Variants in CRADD observed in about 807,000 individuals in gnomAD.
CRADD encodes death domain-containing protein CRADD.
Under a neutral mutation model 15.5 loss-of-function variants are expected in CRADD, and 9 were observed. That is an observed-to-expected ratio of 0.58 (90% CI 0.35 to 1.01). The LOEUF (loss-of-function observed/expected upper bound fraction) is 1.01, where lower values mean the gene tolerates loss of function less well. CRADD is among the 50% of genes least tolerant of loss of function. The pLI is 0.02. For missense variants in CRADD, 227 were observed against 250.3 expected, an observed-to-expected ratio of 0.91 and a Z score of 0.63; for synonymous variants, 118 against 107.6, an observed-to-expected ratio of 1.10 and a Z score of -0.60.
chr12:93,807,875 A>C (rs1957558809), intron 2 of CRADD, among the ~76,000 whole-genome samples: 1 of 149,650 alleles, frequency 6.7e-6, no homozygotes, highest in Non-Finnish European at 1.5e-5. Context: ...ATTGGAAAAC[A>C]GGCCTGGGGA....
chr12:93,886,162 C>CATTTTTTTTT (rs1555231623), intron 2 of CRADD, among the ~76,000 whole-genome samples: 1 of 123,948 alleles, frequency 8.1e-6, no homozygotes, highest in African/African-American at 3.0e-5. Flanking sequence ...GCTGCTGATG[C>CATTTTTTTTT]TTTTTTTTTT....
At chr12:93,748,971 C>CCCTG (rs1224504947) in intron 2 of CRADD, among the ~76,000 whole-genome samples, 2 of 152,152 alleles carry the variant, frequency 1.3e-5, no homozygotes, top group African/African-American at 4.8e-5. Flanking sequence ...TTGACATGGG[C>CCCTG]CCTGGCTGGT....
chr12:93,751,284 C>T (rs1323018415), intron 2 of CRADD, among the ~76,000 whole-genome samples: 1 of 152,190 alleles, frequency 6.6e-6, no homozygotes, highest in Non-Finnish European at 1.5e-5. Context: ...TGTTTACCTA[C>T]AGTGAGGGCA....
intron 2 of CRADD, among the ~76,000 whole-genome samples, chr12:93,886,867 A>G (rs1312853054): frequency 3.3e-5 from 5 of 152,214 alleles, no homozygotes; most frequent in African/African-American, 1.2e-4. Context: ...TTTTATGGTC[A>G]TGGGCATAAT....
chr12:93,762,322 G>T (rs1418163701), intron 2 of CRADD, among the ~76,000 whole-genome samples: 11 of 152,186 alleles, frequency 7.2e-5, no homozygotes, highest in Admixed American at 7.2e-4. Flanking sequence ...AATTCAGAAG[G>T]CTGCTTCCTT....
At chr12:93,689,804 T>A (rs1955525062) in intron 2 of CRADD, among the ~76,000 whole-genome samples, 2 of 152,170 alleles carry the variant, frequency 1.3e-5, no homozygotes, top group South Asian at 4.1e-4. Flanking sequence ...CTGTGGGTGC[T>A]GAGTAGTAAT....
chr12:93,832,597 T>C (rs1957920684), intron 2 of CRADD, among the ~76,000 whole-genome samples: 1 of 152,226 alleles, frequency 6.6e-6, no homozygotes, highest in Admixed American at 6.5e-5. Flanking sequence ...CAAGGAACCA[T>C]AGGCCACCTT....
At chr12:93,882,282 G>A (rs1958507583) in intron 2 of CRADD, among the ~76,000 whole-genome samples, 2 of 151,038 alleles carry the variant, frequency 1.3e-5, no homozygotes, top group Admixed American at 1.3e-4. Flanking sequence ...TTAGCTGGGC[G>A]TGGTGGCAGG....
intron 2 of CRADD, among the ~76,000 whole-genome samples, chr12:93,687,303 T>C (rs994222886): frequency 1.3e-5 from 2 of 152,224 alleles, no homozygotes; most frequent in Non-Finnish European, 2.9e-5. Context: ...TTCTCCCTTC[T>C]GTGGATGTAT....
rs142085796 is a variant in CRADD at position 93,805,645 on chromosome 12, T to A, written c.299-44325T>A. 4.0e-3 allele frequency among the ~76,000 whole-genome samples: 616 copies of A among 152,210 alleles called. 3 individuals carry two copies. Among genetic ancestry groups the A allele is most frequent in the Admixed American group, 0.011 (166 of 15,252 alleles). On this transcript the variant is annotated intron_variant, in intron 2 of 2. Transcript: ENST00000332896. ...CTAACGTAGGAAACCCTCCTTCTCC[T>A]TCCCCAACAAGTTGCCTGAAGAAAT...
intron 2 of CRADD, among the ~76,000 whole-genome samples, chr12:93,809,814 G>A (rs1478590435): frequency 6.6e-6 from 1 of 152,162 alleles, no homozygotes; most frequent in African/African-American, 2.4e-5. Context: ...CTCCCTTGGT[G>A]GATAAAGACA....
chr12:93,735,485 A>G (rs1956549967), intron 2 of CRADD: 1 of 152,234 alleles, frequency 6.6e-6, no homozygotes, highest in Non-Finnish European at 1.5e-5. Context: ...ATTTATGTTT[A>G]TATCCTCAAA....
At chr12:93,820,527 C>T (rs1173373788) in intron 2 of CRADD, among the ~76,000 whole-genome samples, 2 of 146,834 alleles carry the variant, frequency 1.4e-5, no homozygotes, top group African/African-American at 2.5e-5. Flanking sequence ...CCAGGCTGGG[C>T]AACAGAGCGA....
At chr12:93,809,088 ATTTTTAATGGAAACAGAGT>A (rs139878000) in intron 2 of CRADD, among the ~76,000 whole-genome samples, 4,344 of 151,846 alleles carry the variant, frequency 0.029, 216 homozygotes, top group African/African-American at 0.098. Flanking sequence ...ATAATTTTGT[ATTTTTAATGGAAACAGAGT>A]TTCACCTTGT....
chr12:93,849,989 C>T lies in CRADD; in HGVS notation c.318C>T (p.Ile106=), dbSNP rs557566426. 15 of 1,606,332 alleles carry T rather than the reference C, an allele frequency of 9.3e-6. No homozygotes were observed. The East Asian group carries it at 3.1e-4, about 33-fold the overall frequency. ...CCTCAGGTGACAGATTGACTGGGAT[C>T]CCCTCGCACATCCTCAACAGCTCCC... The part of the protein sequence containing the change: ...DLPAGDRLTG[I]PSHILNSSPS... Residue 106 remains isoleucine (I), a synonymous_variant, in exon 3 of 3, where the codon ATC becomes ATT. Transcript: ENST00000332896.
chr12:93,807,515 T>C (rs1957553101), intron 2 of CRADD, among the ~76,000 whole-genome samples: 1 of 152,150 alleles, frequency 6.6e-6, no homozygotes, highest in South Asian at 2.1e-4. Flanking sequence ...AGACATTTAT[T>C]ATCTACCATG....
chr12:93,880,876 T>G (rs1358117884), intron 2 of CRADD, among the ~76,000 whole-genome samples: 1 of 152,240 alleles, frequency 6.6e-6, no homozygotes, highest in Non-Finnish European at 1.5e-5. Flanking sequence ...TCACTCTGGT[T>G]TCAGTAGATT....
At chr12:93,784,662 T>G (rs1276238371) in intron 2 of CRADD, among the ~76,000 whole-genome samples, 1 of 151,716 alleles carries the variant, frequency 6.6e-6, no homozygotes, top group Non-Finnish European at 1.5e-5. Context: ...AGATGGAGAG[T>G]CTGATAAAGC....
chr12:93,720,332 T>C (rs1956237223), intron 2 of CRADD, among the ~76,000 whole-genome samples: 1 of 152,178 alleles, frequency 6.6e-6, no homozygotes, highest in Non-Finnish European at 1.5e-5. Flanking sequence ...TTAGAGTGTG[T>C]TTTATGGCCT....
Sources: allele counts gnomAD v4.1 joint callset (sites outside exome capture counted in the v4.1 genomes callset), GRCh38; gene constraint gnomAD v4.1.1; transcripts MANE v1.5; gene names NCBI Gene and HGNC (gene_info 2026-07-23, HGNC 2026-07-21).